NUP210: variants seen among roughly 807,000 people sequenced by gnomAD.
NUP210 encodes nuclear pore membrane glycoprotein 210.
Under a neutral mutation model 196.0 loss-of-function variants are expected in NUP210, and 151 were observed. That is an observed-to-expected ratio of 0.77 (90% confidence interval 0.67 to 0.88). The LOEUF (loss-of-function observed/expected upper bound fraction) is 0.88, where lower values mean the gene tolerates loss of function less well. Ranked by LOEUF, NUP210 falls within the 40% of genes least tolerant of loss-of-function variation. The pLI, the probability that NUP210 is intolerant of heterozygous loss-of-function variation, is 0.00. For missense variants in NUP210, 2,314 were observed against 2,493.7 expected (o/e 0.93, Z 1.53); for synonymous variants, 1,070 against 1,052.7 (o/e 1.02, Z -0.32).
Position 13,354,035 on chromosome 3 carries a change from T to G in NUP210, c.2401A>C (p.Asn801His). 6.2e-7 allele frequency: 1 copy of G among 1,608,290 alleles called. No individual in the cohort carries two copies. The highest frequency in any genetic ancestry group is 1.1e-5 in the South Asian group (1 of 89,794). ...AYDQEGRRFD[N>H]FSSLSIQWES... ...CACTGGATGCTCAGAGAGCTGAAGTTGTCGAACCGGCGGCCCTCCTGGTCG... is the reference window on the plus strand; with the variant it reads ...CACTGGATGCTCAGAGAGCTGAAGTGGTCGAACCGGCGGCCCTCCTGGTCG... Residue 801 changes from asparagine (N) to histidine (H), a missense_variant, in exon 17 of 40, where the codon AAC becomes CAC. Transcript: ENST00000254508.
chr3:13,409,707 C>A (rs2655253), intron 1 of NUP210, among the ~76,000 whole-genome samples: 1 of 152,072 alleles, frequency 6.6e-6, no homozygotes, highest in East Asian at 1.9e-4. Context: ...CTCCCTTGTG[C>A]TAGGGTACAC....
At chr3:13,357,523 TG>T (rs1698221039) in intron 16 of NUP210, among the ~76,000 whole-genome samples, 1 of 152,150 alleles carries the variant, frequency 6.6e-6, no homozygotes, top group South Asian at 2.1e-4. Flanking sequence ...CATAAGTACA[TG>T]CTCAAGGAGT....
intron 1 of NUP210, among the ~76,000 whole-genome samples, chr3:13,400,408 C>T (rs1345183496): frequency 6.6e-6 from 1 of 152,124 alleles, no homozygotes; most frequent in Non-Finnish European, 1.5e-5. Context: ...GATATTATAG[C>T]CACAGTGGGG....
chr3:13,321,979 G>T, intron 35 of NUP210, 144 bp from the exon 36 acceptor site: 1 of 1,282,182 alleles, frequency 7.8e-7, no homozygotes, highest in Non-Finnish European at 1.1e-6. Context: ...AGTCCTCCTG[G>T]GAATCCCCTA....
At position 13,323,903 on chromosome 3, in the gene NUP210, C is replaced by CCATCTTCTCTG. The variant is rs1696639271; in HGVS notation, c.4645-482_4645-472dup. Among the ~76,000 whole-genome samples, 1 of 152,148 alleles carries CCATCTTCTCTG rather than the reference C, an allele frequency of 6.6e-6. No homozygotes were observed. The highest frequency in any genetic ancestry group is 6.5e-5 in the Admixed American group (1 of 15,276). ...GCACTCCCTTGGCTAGGACACCCTC[C>CCATCTTCTCTG]CATCTTCTCTGCAGAGCCCAGCCTC... On this transcript the variant is annotated intron_variant, in intron 33 of 39. Transcript: ENST00000254508. This position sits in a 1 kb window ranked among gnomAD's most constrained non-coding sequence, Gnocchi z 4.3.
At chr3:13,360,525 T>C (rs748687921) in intron 14 of NUP210, 34 bp from the exon 15 acceptor site, 4 of 1,550,332 alleles carry the variant, frequency 2.6e-6, no homozygotes, top group South Asian at 1.2e-5. Context: ...CTTGGCATTC[T>C]TCTAAGGCAG....
rs1200971897 is a variant in NUP210, at chr3:13,325,789, G to A, written c.4644+6C>T. ...CCACATGTGCCTCCGGCTGCTTAGA[G>A]CCCACCTCCTTGTAGGTCCTCAGGT... On this transcript the variant is annotated splice_donor_region_variant and intron_variant, in intron 33 of 39. Coordinates refer to ENST00000254508, the MANE Select transcript of NUP210 (RefSeq NM_024923.4). 3 of 1,613,538 alleles carry A rather than the reference G, an allele frequency of 1.9e-6. No individual in the cohort carries two copies. The highest frequency in any genetic ancestry group is 2.5e-6 in the Non-Finnish European group (3 of 1,179,902).
intron 13 of NUP210, among the ~76,000 whole-genome samples, 194 bp from the exon 14 acceptor site, chr3:13,366,285 C>A (rs755010862): frequency 1.7e-4 from 26 of 152,074 alleles, no homozygotes; most frequent in Non-Finnish European, 2.9e-5. Flanking sequence ...TGGACCACTA[C>A]ACCCGGCTAA....
intron 3 of NUP210, among the ~76,000 whole-genome samples, chr3:13,397,130 G>A (rs1047548634): frequency 6.6e-6 from 1 of 152,072 alleles, no homozygotes; most frequent in Non-Finnish European, 1.5e-5. Flanking sequence ...AGGGCCAGGA[G>A]TGACCATGAT....
intron 1 of NUP210, among the ~76,000 whole-genome samples, chr3:13,407,818 C>T (rs144647028): frequency 9.4e-4 from 143 of 152,274 alleles, no homozygotes; most frequent in Non-Finnish European, 1.6e-3. Flanking sequence ...AAATACTGGG[C>T]TATTAGTGAT....
At position 13,396,650 on chromosome 3, in the gene NUP210, C is replaced by G. The variant is rs183378540; in HGVS notation, c.436+707G>C. ...TGGCAGGCACCTCTAATCCTAGCTA[C>G]TTGGGAGGCTGAGGTAGGAGAATCG... On this transcript the variant is annotated intron_variant, in intron 3 of 39. Transcript: ENST00000254508. Among the ~76,000 whole-genome samples, 137 of 144,904 alleles carry G rather than the reference C, an allele frequency of 9.5e-4. 2 individuals are homozygous for G. The highest frequency in any genetic ancestry group is 7.5e-3 in the Middle Eastern group (2 of 266).
At chr3:13,408,462 GACAAGGCC>G (rs1700064966) in intron 1 of NUP210, among the ~76,000 whole-genome samples, 2 of 152,158 alleles carry the variant, frequency 1.3e-5, no homozygotes, top group Admixed American at 6.5e-5. Flanking sequence ...AGAATTTACA[GACAAGGCC>G]ATCTGGGCTT....
At chr3:13,406,330 T>C (rs9817987) in intron 1 of NUP210, among the ~76,000 whole-genome samples, 34,197 of 152,070 alleles carry the variant, frequency 0.22, 6,101 homozygotes, top group African/African-American at 0.5. Context: ...AAACACCAGA[T>C]GGGCCTCTCC....
intron 13 of NUP210, among the ~76,000 whole-genome samples, chr3:13,367,293 C>T (rs893201704): frequency 2.0e-5 from 3 of 147,548 alleles, no homozygotes; most frequent in South Asian, 2.2e-4. Context: ...GAATTAGCCG[C>T]GTGTGGTGGC....
chr3:13,379,094 G>C lies in NUP210; in HGVS notation c.977-114C>G. The C allele has an allele frequency of 2.1e-6, 2 of 931,598 alleles. No individual in the cohort carries two copies. The highest frequency in any genetic ancestry group is 3.2e-5 in the African/African-American group (2 of 61,956). The allele number at this position is 931,598 out of a possible 1,614,324, so 57.7% of individuals were successfully genotyped here. A position where few individuals can be genotyped will look rare whatever the true frequency, so the allele number is the denominator to read the frequency against. On this transcript the variant is annotated intron_variant, in intron 7 of 39. Coordinates refer to ENST00000254508, the MANE Select transcript of NUP210 (RefSeq NM_024923.4). This position sits in a 1 kb window ranked among gnomAD's most constrained non-coding sequence, Gnocchi z 4.2. Reference sequence around the variant, plus strand: ...AAGACATCACATGGAGAGAAGAAGAGGGGATGAAAACTCCCCTGGCTTAGG... The same window carrying C: ...AAGACATCACATGGAGAGAAGAAGACGGGATGAAAACTCCCCTGGCTTAGG...
At position 13,322,269 on chromosome 3, in the gene NUP210, G is replaced by A; in HGVS notation, c.4839C>T (p.Ser1613=). The part of the protein sequence containing the change: ...LHPETLISCQ[S]QFKPAVFDFP... ...AATCAAAGACGGCCGGCTTGAACTG[G>A]GACTGGCAGCTGATGAGGGTCTCTG... Residue 1613 remains serine (S), a synonymous_variant, in exon 35 of 40, where the codon TCC becomes TCT. Coordinates refer to ENST00000254508, the MANE Select transcript of NUP210 (RefSeq NM_024923.4). 6.2e-7 allele frequency: 1 copy of A among 1,614,228 alleles called. No individual in the cohort carries two copies. Among genetic ancestry groups the A allele is most frequent in the Non-Finnish European group, 8.5e-7 (1 of 1,180,036 alleles).
rs746847595 is a variant in NUP210, at chr3:13,321,736, G to C, written c.5015C>G (p.Ser1672Cys). The C allele has an allele frequency of 1.9e-6, 3 of 1,613,976 alleles. No individual in the cohort carries two copies. Among genetic ancestry groups the C allele is most frequent in the East Asian group, 4.5e-5 (2 of 44,882 alleles). The change falls in exon 36 of 40, where the codon TCC (serine) becomes TGC (cysteine). Residue 1672 changes from serine to cysteine, a missense_variant. Coordinates refer to ENST00000254508, the MANE Select transcript of NUP210 (RefSeq NM_024923.4). ...KTALVVSASL[S>C]SSHFSTEQVG... Reference sequence around the variant, plus strand: ...CTGCTCTGTGGAGAAGTGGCTGCTGGAGAGGGAGGCACTGACCACCAGAGC... The same window carrying C: ...CTGCTCTGTGGAGAAGTGGCTGCTGCAGAGGGAGGCACTGACCACCAGAGC...
intron 8 of NUP210, among the ~76,000 whole-genome samples, chr3:13,378,494 A>G (rs761974486): frequency 1.3e-5 from 2 of 152,242 alleles, no homozygotes; most frequent in African/African-American, 2.4e-5. Context: ...CCTGCCTTCA[A>G]TATCATCATC....
chr3:13,397,955 G>A (rs759661397), intron 2 of NUP210, among the ~76,000 whole-genome samples: 14 of 152,176 alleles, frequency 9.2e-5, no homozygotes, highest in Non-Finnish European at 1.8e-4. Context: ...GGCACACCCA[G>A]AGATTTTTTT....
Sources: gnomAD v4.1 joint callset for allele counts (sites outside exome capture counted in the v4.1 genomes callset) on GRCh38, gnomAD v4.1.1 for gene constraint, Gnocchi (gnomAD v3.1) non-coding constraint, MANE v1.5 for transcripts, NCBI Gene and HGNC (gene_info 2026-07-23, HGNC 2026-07-21) for gene names.